The following RNF213 variants were observed in gnomAD, a reference collection of about 807,000 sequenced individuals.
RNF213 encodes E3 ubiquitin-protein ligase RNF213.
Under a neutral mutation model 514.4 loss-of-function variants are expected in RNF213, and 341 were observed. The observed-to-expected ratio is 0.66, with a 90% CI of 0.61 to 0.73. The LOEUF is 0.73. Ranked by LOEUF, RNF213 falls within the 30% of genes least tolerant of loss-of-function variation. RNF213 has a pLI of 0.00. For missense variants in RNF213, 5,767 were observed against 6,615.6 expected (o/e 0.87, Z 4.45); for synonymous variants, 2,655 against 2,658.2 (o/e 1.00, Z 0.04).
chr17:80,372,365 A>ATGTT (rs1367840359), intron 47 of RNF213, among the ~76,000 whole-genome samples, 156 bp from the exon 48 acceptor site: 1 of 152,190 alleles, frequency 6.6e-6, no homozygotes, highest in Non-Finnish European at 1.5e-5. Context: ...ATAAAAAGGA[A>ATGTT]TGTTAGGTTT....
At chr17:80,369,701 C>T (rs1381764592) in intron 45 of RNF213, 30 bp downstream of exon 45, 2 of 1,613,966 alleles carry the variant, frequency 1.2e-6, no homozygotes, top group South Asian at 1.1e-5. Flanking sequence ...TAAACCTAGC[C>T]CCTCATTTCT....
chr17:80,365,962 C>G (rs547976120), intron 42 of RNF213, among the ~76,000 whole-genome samples: 2 of 152,332 alleles, frequency 1.3e-5, no homozygotes, highest in African/African-American at 4.8e-5. Flanking sequence ...AAAATGGCCT[C>G]AGAAACTTAC....
chr17:80,345,513 A>G lies in RNF213; in HGVS notation c.7178A>G (p.Tyr2393Cys). ...IPQATDPDKT[Y>C]ELTTDNMLKI... ...CAGGCCACCGACCCCGACAAAACGTATGAGCTCACAACCGACAATATGCTT... is the reference window on the plus strand; with the variant it reads ...CAGGCCACCGACCCCGACAAAACGTGTGAGCTCACAACCGACAATATGCTT... The change falls in exon 29 of 68, where the codon TAT becomes TGT. Residue 2393 changes from tyrosine (Y) to cysteine (C), a missense_variant. Physicochemically the swap from Tyr to Cys is radical, Grantham distance 194. Coordinates refer to ENST00000582970, the MANE Select transcript of RNF213 (RefSeq NM_001256071.3). The surrounding 1 kb of genome is among the most constrained non-coding windows in gnomAD (Gnocchi z 6.0). 1 of 1,611,878 alleles carries G rather than the reference A, an allele frequency of 6.2e-7. No homozygotes were observed. The highest frequency in any genetic ancestry group is 8.5e-7 in the Non-Finnish European group (1 of 1,178,104).
Position 80,343,996 on chromosome 17 carries a change from C to T in RNF213, c.6323C>T (p.Ser2108Leu), listed in dbSNP as rs140110990. ...CTGGAAAGGAGGACGTCAGTGCCGT[C>T]GAGGAGCTCTTCAGCGCTGGTCTGT... is the stretch of plus-strand genomic sequence containing the variant. Reference protein sequence around the residue: ...EILERRTSVPSRSSSALRTRV... With the variant: ...EILERRTSVPLRSSSALRTRV... Residue 2108 changes from serine (S) to leucine (L), a missense_variant, in exon 28 of 68, where the codon TCG becomes TTG. Ser to Leu is a moderately radical substitution (Grantham distance 145). Coordinates refer to ENST00000582970, the MANE Select transcript of RNF213 (RefSeq NM_001256071.3). The surrounding 1 kb of genome is among the most constrained non-coding windows in gnomAD (Gnocchi z 4.3). 1.2e-4 allele frequency: 192 copies of T among 1,614,180 alleles called. No individual in the cohort carries two copies. The African/African-American group carries it at 2.0e-3, about 16-fold the overall frequency.
chr17:80,263,504 TG>T lies in RNF213; in HGVS notation c.-108-67del. 1 of 651,472 alleles carries T rather than the reference TG, an allele frequency of 1.5e-6. No homozygotes were observed. The highest frequency in any genetic ancestry group is 2.8e-6 in the Non-Finnish European group (1 of 353,248). The allele number at this position is 651,472 out of a possible 1,614,324, so 40.4% of individuals were successfully genotyped here. A position where few individuals can be genotyped will look rare whatever the true frequency, so the allele number is the denominator to read the frequency against. On this transcript the variant is annotated intron_variant, in intron 1 of 67. Coordinates refer to ENST00000582970, the MANE Select transcript of RNF213 (RefSeq NM_001256071.3). This position sits in a 1 kb window ranked among gnomAD's most constrained non-coding sequence, Gnocchi z 4.9. ...GCACAGAGCGGGGAGGGGCTGGGCTTGGGCTGTGCTCCTGTTGGGTTTCCAT... is the reference window on the plus strand; with the variant it reads ...GCACAGAGCGGGGAGGGGCTGGGCTTGGCTGTGCTCCTGTTGGGTTTCCAT...
chr17:80,397,503 G>C lies in RNF213; in HGVS notation c.*4005G>C, dbSNP rs1477671412. ...TCAGTGATGCTATCTATAGATTACA[G>C]ACATTATATAGAAAAGCACCGTGAA... On this transcript the variant is annotated 3_prime_UTR_variant, in exon 68 of 68. Coordinates refer to ENST00000582970, the MANE Select transcript of RNF213 (RefSeq NM_001256071.3). 6.6e-6 allele frequency: 1 copy of C among 152,074 alleles called. No homozygotes were observed. The highest frequency in any genetic ancestry group is 1.5e-5 in the Non-Finnish European group (1 of 68,020). The allele number at this position is 152,074 out of a possible 1,614,324, so 9.4% of individuals were successfully genotyped here.
At chr17:80,366,321 T>C (rs1599145488) in intron 42 of RNF213, among the ~76,000 whole-genome samples, 1 of 152,172 alleles carries the variant, frequency 6.6e-6, no homozygotes, top group Non-Finnish European at 1.5e-5. Context: ...AGGCACTGTA[T>C]TGTTTTCCAC....
chr17:80,327,700 G>T (rs1171006373), intron 18 of RNF213, 116 bp from the exon 19 acceptor site: 5 of 837,494 alleles, frequency 6.0e-6, no homozygotes, highest in Non-Finnish European at 9.1e-6. Context: ...GCCAGCCATT[G>T]CCTGTGTTTG....
In RNF213 at chr17:80,375,860, C is replaced by T. The variant is rs1360626385; in HGVS notation, c.13175C>T (p.Pro4392Leu). The T allele has an allele frequency of 6.2e-7, 1 of 1,610,426 alleles. No individual in the cohort carries two copies. Among genetic ancestry groups the T allele is most frequent in the African/African-American group, 1.3e-5 (1 of 74,836 alleles). ...AGATCCCACAATGCAAGCCTCCACC[C>T]CACGCCAGAGGTGAGTAACCGCCTG... ...LYRSHNASLH[P>L]TPEQCEAVSK... The change falls in exon 51 of 68, where the codon CCC becomes CTC. Residue 4392 changes from proline (P) to leucine (L), a missense_variant. Transcript: ENST00000582970.
intron 11 of RNF213, 64 bp downstream of exon 11, chr17:80,298,582 C>T (rs774386582): frequency 3.4e-4 from 525 of 1,559,820 alleles, no homozygotes; most frequent in Non-Finnish European, 4.3e-4. Context: ...ATTGTGCACC[C>T]GGAGTCCCGG....
intron 29 of RNF213, among the ~76,000 whole-genome samples, chr17:80,349,121 G>A (rs967417352): frequency 4.6e-5 from 7 of 152,152 alleles, no homozygotes; most frequent in East Asian, 1.9e-4. Flanking sequence ...GGAGGGGTCC[G>A]GGGCGACCCC....
intron 3 of RNF213, among the ~76,000 whole-genome samples, chr17:80,274,117 G>A (rs1000350924): frequency 6.6e-6 from 1 of 152,096 alleles, no homozygotes; most frequent in Admixed American, 6.5e-5. Flanking sequence ...CGTGTCTTGC[G>A]CTTCTGTAGG....
intron 2 of RNF213, among the ~76,000 whole-genome samples, chr17:80,265,545 GC>G (rs1220678469): frequency 6.6e-6 from 1 of 152,200 alleles, no homozygotes; most frequent in African/African-American, 2.4e-5. Flanking sequence ...CTGGCTGGTT[GC>G]CCCCAGCGTC....
rs1456391185 is a variant in RNF213 at position 80,346,208 on chromosome 17, T to G, written c.7873T>G (p.Phe2625Val). 6.2e-7 allele frequency: 1 copy of G among 1,613,936 alleles called. No homozygotes were observed. The highest frequency in any genetic ancestry group is 1.3e-5 in the African/African-American group (1 of 74,884). ...ITEVLCASQG[F>V]MRKTEDECSF... Reference sequence around the variant, plus strand: ...AGAAGTCCTCTGCGCCTCTCAGGGTTTCATGAGGAAAACAGAAGATGAGTG... The same window carrying G: ...AGAAGTCCTCTGCGCCTCTCAGGGTGTCATGAGGAAAACAGAAGATGAGTG... The change falls in exon 29 of 68, where the codon TTC becomes GTC. Residue 2625 changes from phenylalanine to valine, a missense_variant. Phe to Val is a conservative substitution (Grantham distance 50). Transcript: ENST00000582970. This position sits in a 1 kb window ranked among gnomAD's most constrained non-coding sequence, Gnocchi z 8.1.
chr17:80,363,545 G>A (rs72851455), intron 40 of RNF213, 64 bp from the exon 41 acceptor site: 44,578 of 1,565,942 alleles, frequency 0.028, 760 homozygotes, highest in Middle Eastern at 0.053. Flanking sequence ...GCTAACAGCC[G>A]GGGCCTCTGG....
intron 54 of RNF213, among the ~76,000 whole-genome samples, chr17:80,378,671 C>T (rs1352377687): frequency 6.6e-6 from 1 of 152,146 alleles, no homozygotes; most frequent in Non-Finnish European, 1.5e-5. Flanking sequence ...AAAACTGTTA[C>T]ATACACTTCA....
chr17:80,284,519 G>A (rs2044404043), intron 3 of RNF213, among the ~76,000 whole-genome samples: 1 of 152,018 alleles, frequency 6.6e-6, no homozygotes, highest in Non-Finnish European at 1.5e-5. Context: ...ACTCCAGCCT[G>A]GGTGACAGAG....
At position 80,376,956 on chromosome 17, in the gene RNF213, C is replaced by T. The variant is rs771680525; in HGVS notation, c.13503C>T (p.His4501=). 6.8e-6 allele frequency: 11 copies of T among 1,613,102 alleles called. No homozygotes were observed. In the Admixed American group the frequency reaches 1.0e-4, roughly 15 times the overall value. The part of the protein sequence containing the change: ...ARRWKGLERV[H]WYTCPNGHPC... ...GGTGGAAGGGTCTGGAGCGAGTCCACTGGTACAGTAAGTGTTGGGGTCTAG... is the reference window on the plus strand; with the variant it reads ...GGTGGAAGGGTCTGGAGCGAGTCCATTGGTACAGTAAGTGTTGGGGTCTAG... Residue 4501 remains histidine, a synonymous_variant, in exon 53 of 68, where the codon CAC becomes CAT. Transcript: ENST00000582970.
chr17:80,317,144 A>G lies in RNF213; in HGVS notation c.2812-44A>G. The G allele has an allele frequency of 5.0e-6, 8 of 1,588,320 alleles. No homozygotes were observed. The highest frequency in any genetic ancestry group is 6.0e-6 in the Non-Finnish European group (7 of 1,163,530). Reference sequence around the variant, plus strand: ...TCCTTTCATGGGAGTGTGCCGTGGCATTTAGTCGTGAGAGTGGGTGTGACC... The same window carrying G: ...TCCTTTCATGGGAGTGTGCCGTGGCGTTTAGTCGTGAGAGTGGGTGTGACC... On this transcript the variant is annotated intron_variant, in intron 15 of 67. Coordinates refer to ENST00000582970, the MANE Select transcript of RNF213 (RefSeq NM_001256071.3). The surrounding 1 kb of genome is among the most constrained non-coding windows in gnomAD (Gnocchi z 4.1).
Sources: allele counts gnomAD v4.1 joint callset (sites outside exome capture counted in the v4.1 genomes callset), GRCh38; gene constraint gnomAD v4.1.1; non-coding constraint Gnocchi (gnomAD v3.1); transcripts MANE v1.5; gene names NCBI Gene and HGNC (gene_info 2026-07-23, HGNC 2026-07-21).